The following CSMD1 variants were observed in gnomAD, a reference collection of about 807,000 sequenced individuals.
CSMD1 encodes the protein CUB and Sushi multiple domains 1.
Under a neutral mutation model 417.5 loss-of-function variants are expected in CSMD1, and 213 were observed. The ratio of observed to expected loss-of-function variants is 0.51; its 90% CI spans 0.46 to 0.57. The LOEUF is 0.57. Ranked by LOEUF, CSMD1 falls within the 20% of genes least tolerant of loss-of-function variation. The probability of loss-of-function intolerance (pLI) is 0.00; values close to 1 mark genes in which losing one functional copy is unlikely to be tolerated. For missense variants in CSMD1, 6,923 were observed against 4,529.7 expected (o/e 1.53, Z -15.17); for synonymous variants, 2,862 against 1,736.8 (o/e 1.65, Z -16.11).
intron 1 of CSMD1, among the ~76,000 whole-genome samples, chr8:4,815,778 C>T (rs192517631): frequency 8.8e-5 from 13 of 146,932 alleles, no homozygotes; most frequent in Admixed American, 3.4e-4. Context: ...ACACATTTTA[C>T]AGATATTAGT....
intron 7 of CSMD1, among the ~76,000 whole-genome samples, chr8:3,645,678 G>A (rs1014111853): frequency 6.6e-6 from 1 of 152,130 alleles, no homozygotes; most frequent in Non-Finnish European, 1.5e-5. Context: ...CAGAGACTAC[G>A]GCATTGCCTT....
chr8:4,289,054 C>A, intron 3 of CSMD1, among the ~76,000 whole-genome samples: 1 of 152,234 alleles, frequency 6.6e-6, no homozygotes, highest in Middle Eastern at 3.4e-3. Flanking sequence ...AGCATAAAAA[C>A]AGTGCACATA....
At chr8:4,194,944 C>G (rs1799243826) in intron 3 of CSMD1, among the ~76,000 whole-genome samples, 1 of 151,656 alleles carries the variant, frequency 6.6e-6, no homozygotes, top group Admixed American at 6.6e-5. Context: ...TGATTAGTCC[C>G]CGGGTGAAAA....
intron 1 of CSMD1, among the ~76,000 whole-genome samples, chr8:4,835,263 G>T (rs1204033742): frequency 6.6e-6 from 1 of 152,064 alleles, no homozygotes; most frequent in Non-Finnish European, 1.5e-5. Flanking sequence ...GGGATACTAA[G>T]GAGAGGTTAC....
In CSMD1 at chr8:3,926,587, T is replaced by C. The variant is rs776890570; in HGVS notation, c.818+71316A>G. ...TGATGATTATTCTAACATTTATTTC[T>C]GGTTAATTTTATCAGTTGTTTAAAA... On this transcript the variant is annotated intron_variant, in intron 5 of 69. Transcript: ENST00000635120. Among the ~76,000 whole-genome samples, 12 of 152,126 alleles carry C rather than the reference T, an allele frequency of 7.9e-5. No homozygotes were observed. The East Asian group carries it at 9.6e-4, about 12-fold the overall frequency.
intron 12 of CSMD1, among the ~76,000 whole-genome samples, chr8:3,449,873 A>C (rs879482758): frequency 2.6e-5 from 4 of 152,202 alleles, no homozygotes; most frequent in Non-Finnish European, 5.9e-5. Flanking sequence ...CTCACGTTGT[A>C]AAGTTTCTAA....
intron 55 of CSMD1, among the ~76,000 whole-genome samples, chr8:2,977,729 A>T (rs1416768758): frequency 6.6e-6 from 1 of 152,230 alleles, no homozygotes; most frequent in African/African-American, 2.4e-5. Flanking sequence ...AAACAAATTT[A>T]CAAGAAAAAA....
At chr8:3,298,527 C>T (rs186132476) in intron 25 of CSMD1, among the ~76,000 whole-genome samples, 1 of 152,182 alleles carries the variant, frequency 6.6e-6, no homozygotes, top group Non-Finnish European at 1.5e-5. Flanking sequence ...GATCGTGGCT[C>T]ACTGCAACCT....
At chr8:4,944,417 A>G (rs1808227956) in intron 1 of CSMD1, among the ~76,000 whole-genome samples, 1 of 152,196 alleles carries the variant, frequency 6.6e-6, no homozygotes, top group Admixed American at 6.5e-5. Flanking sequence ...AATTCTCTTG[A>G]AATACTTTTT....
At position 2,936,370 on chromosome 8, in the gene CSMD1, A is replaced by AT. The variant is rs1554465599; in HGVS notation, c.*2214_*2215insA. On this transcript the variant is annotated 3_prime_UTR_variant, in exon 70 of 70. Coordinates refer to ENST00000635120, the MANE Select transcript of CSMD1 (RefSeq NM_033225.6). ...GAATGACTCAAACTTAGATATGTAC[A>AT]ATATATATATATATATATGTATGTA... 300 of 146,286 alleles carry AT rather than the reference A, an allele frequency of 2.1e-3. 3 individuals are homozygous for AT. The highest frequency in any genetic ancestry group is 2.5e-3 in the African/African-American group (99 of 40,010). 9.1% of individuals were successfully genotyped at this position (146,286 alleles called of 1,614,324 possible). A position where few individuals can be genotyped will look rare whatever the true frequency, so the allele number is the denominator to read the frequency against.
intron 1 of CSMD1, among the ~76,000 whole-genome samples, chr8:4,642,740 T>C (rs1401608533): frequency 6.6e-6 from 1 of 152,228 alleles, no homozygotes; most frequent in Non-Finnish European, 1.5e-5. Context: ...TTTGCTTTGC[T>C]AGCTGTGAAA....
chr8:3,163,938 G>C (rs1382214227), intron 37 of CSMD1, among the ~76,000 whole-genome samples: 1 of 152,180 alleles, frequency 6.6e-6, no homozygotes, highest in Non-Finnish European at 1.5e-5. Context: ...ATGTATATGA[G>C]CCTGATCTCT....
intron 23 of CSMD1, among the ~76,000 whole-genome samples, chr8:3,315,236 A>G (rs968510322): frequency 6.6e-6 from 1 of 152,184 alleles, no homozygotes; most frequent in Non-Finnish European, 1.5e-5. Flanking sequence ...ATTGCTTTTT[A>G]TTAACTCTAT....
At chr8:4,242,346 C>A (rs1299169339) in intron 3 of CSMD1, among the ~76,000 whole-genome samples, 2 of 152,036 alleles carry the variant, frequency 1.3e-5, no homozygotes, top group African/African-American at 4.8e-5. Context: ...AAATTTGCAA[C>A]CTCCCTAAGT....
rs145633176 is a variant in CSMD1, at chr8:3,780,325, C to T, written c.819-26283G>A. ...TCCGCAAATGAGTCAACTGAAATAA[C>T]AGTTGTTCGTTAGAATAGAATTTGG... On this transcript the variant is annotated intron_variant, in intron 5 of 69. Coordinates refer to ENST00000635120, the MANE Select transcript of CSMD1 (RefSeq NM_033225.6). 2.6e-5 allele frequency among the ~76,000 whole-genome samples: 4 copies of T among 152,292 alleles called. No homozygotes were observed. The East Asian group carries it at 7.7e-4, about 29-fold the overall frequency.
chr8:3,100,618 C>G lies in CSMD1; in HGVS notation c.6950-3581G>C, dbSNP rs191016562. On this transcript the variant is annotated intron_variant, in intron 46 of 69. Coordinates refer to ENST00000635120, the MANE Select transcript of CSMD1 (RefSeq NM_033225.6). ...CAAAAACACACGTGAAAGCTTGCCT[C>G]TCTCAGACATCACCTGCGCCTCGAG... Among the ~76,000 whole-genome samples the G allele has an allele frequency of 5.0e-3, 753 of 149,636 alleles. 7 individuals are homozygous for G. The highest frequency in any genetic ancestry group is 0.018 in the African/African-American group (698 of 39,214).
intron 12 of CSMD1, among the ~76,000 whole-genome samples, chr8:3,451,345 T>A (rs1378989080): frequency 6.6e-6 from 1 of 152,218 alleles, no homozygotes; most frequent in Admixed American, 6.5e-5. Flanking sequence ...CAATTTTGGC[T>A]TTTGTTGCCA....
chr8:3,747,101 G>A lies in CSMD1; in HGVS notation c.931+6829C>T, dbSNP rs538981700. Among the ~76,000 whole-genome samples the A allele has an allele frequency of 7.7e-4, 117 of 152,302 alleles. 2 individuals are homozygous for A. Among genetic ancestry groups the A allele is most frequent in the Admixed American group, 1.2e-3 (19 of 15,294 alleles). The stretch of plus-strand genomic sequence containing the variant: ...AGTAGTGGGAGCAGTATGACAAGTC[G>A]GTGGAGAAACACAGTTGTAAAGACT... On this transcript the variant is annotated intron_variant, in intron 6 of 69. Coordinates refer to ENST00000635120, the MANE Select transcript of CSMD1 (RefSeq NM_033225.6).
intron 2 of CSMD1, among the ~76,000 whole-genome samples, chr8:4,446,099 A>G (rs1287483531): frequency 2.0e-5 from 3 of 152,202 alleles, no homozygotes; most frequent in Admixed American, 1.3e-4. Flanking sequence ...TTCACTGTAG[A>G]CAGCAAGTTG....
Sources: gnomAD v4.1 joint callset for allele counts (sites outside exome capture counted in the v4.1 genomes callset) on GRCh38, gnomAD v4.1.1 for gene constraint, MANE v1.5 for transcripts, NCBI Gene and HGNC (gene_info 2026-07-23, HGNC 2026-07-21) for gene names.